RANBP17: variants seen among roughly 807,000 people sequenced by gnomAD.
The protein encoded by RANBP17 is ran-binding protein 17.
RANBP17 carries 158 observed loss-of-function variants against 141.2 expected under a neutral mutation model. That is an observed-to-expected ratio of 1.12 (90% CI 0.98 to 1.28). RANBP17 has a LOEUF of 1.28. Among genes scored for constraint, RANBP17 ranks in the 50% most tolerant of loss-of-function variants. RANBP17 has a pLI of 0.00. For synonymous variants in RANBP17, 430 were observed against 450.0 expected (o/e 0.96, Z 0.56); for missense variants, 1,438 against 1,290.7 (o/e 1.11, Z -1.75).
chr5:171,197,413 C>T (rs1291383964), intron 18 of RANBP17, among the ~76,000 whole-genome samples: 2 of 152,106 alleles, frequency 1.3e-5, no homozygotes, highest in African/African-American at 2.4e-5. Context: ...GAAACTGAGA[C>T]TCAGAGTAAT....
chr5:170,921,963 G>T (rs1450430929), intron 11 of RANBP17, among the ~76,000 whole-genome samples: 1 of 152,088 alleles, frequency 6.6e-6, no homozygotes, highest in Non-Finnish European at 1.5e-5. Flanking sequence ...CCATCTTTAT[G>T]GTTTTATCTA....
At chr5:171,269,979 C>T (rs559684518) in intron 25 of RANBP17, among the ~76,000 whole-genome samples, 12 of 152,186 alleles carry the variant, frequency 7.9e-5, no homozygotes, top group African/African-American at 2.9e-4. Context: ...AACTGTTTTT[C>T]CCCCCAACCT....
chr5:171,046,708 A>G (rs1340280995), intron 14 of RANBP17, among the ~76,000 whole-genome samples: 2 of 152,298 alleles, frequency 1.3e-5, no homozygotes, highest in East Asian at 3.9e-4. Context: ...AAAAATACAC[A>G]AAATTATATG....
chr5:171,025,025 G>A (rs1781136813), intron 14 of RANBP17, among the ~76,000 whole-genome samples: 1 of 152,062 alleles, frequency 6.6e-6, no homozygotes, highest in African/African-American at 2.4e-5. Flanking sequence ...TTCAGTAAAT[G>A]GCATCTATTG....
At chr5:171,082,812 T>C (rs538659543) in intron 14 of RANBP17, among the ~76,000 whole-genome samples, 4 of 152,246 alleles carry the variant, frequency 2.6e-5, no homozygotes, top group African/African-American at 9.6e-5. Flanking sequence ...TACAAGTTTT[T>C]GTAACCTGGA....
chr5:170,959,052 C>T (rs898548741), intron 13 of RANBP17, among the ~76,000 whole-genome samples: 5 of 152,166 alleles, frequency 3.3e-5, no homozygotes, highest in South Asian at 2.1e-4. Context: ...ACATGCTTAG[C>T]GTTCCAATAA....
At chr5:170,937,475 AT>A (rs1035728880) in intron 12 of RANBP17, among the ~76,000 whole-genome samples, 16 of 152,152 alleles carry the variant, frequency 1.1e-4, no homozygotes, top group African/African-American at 3.9e-4. Flanking sequence ...GTAACTCTAA[AT>A]TTCAGCCTTC....
chr5:170,896,483 G>A (rs1770131415), intron 5 of RANBP17, among the ~76,000 whole-genome samples: 1 of 152,146 alleles, frequency 6.6e-6, no homozygotes, highest in Non-Finnish European at 1.5e-5. Context: ...AATATAGGTG[G>A]TTTGAGGAAT....
chr5:170,892,520 A>G lies in RANBP17; in HGVS notation c.390A>G (p.Arg130=). Reference sequence around the variant, plus strand: ...TTCAGAAAGACCAATTTGTCTTCAGAGAAATTATTGCTGATGTGAAGAAGT... The same window carrying G: ...TTCAGAAAGACCAATTTGTCTTCAGGGAAATTATTGCTGATGTGAAGAAGT... ...FEVQKDQFVF[R]EIIADVKKFL... Residue 130 remains arginine (R), a synonymous_variant, in exon 4 of 28, where the codon AGA becomes AGG. Coordinates refer to ENST00000523189, the MANE Select transcript of RANBP17 (RefSeq NM_022897.5). The G allele has an allele frequency of 6.2e-7, 1 of 1,613,942 alleles. No individual in the cohort carries two copies. Among genetic ancestry groups the G allele is most frequent in the Non-Finnish European group, 8.5e-7 (1 of 1,179,902 alleles).
intron 14 of RANBP17, among the ~76,000 whole-genome samples, chr5:171,089,220 G>A: frequency 8.4e-6 from 1 of 118,420 alleles, no homozygotes; most frequent in Non-Finnish European, 1.9e-5. Context: ...ACCCTGCAGT[G>A]TGAGGTGTCA....
At chr5:170,954,453 A>G (rs1054136745) in intron 13 of RANBP17, among the ~76,000 whole-genome samples, 45 of 151,892 alleles carry the variant, frequency 3.0e-4, no homozygotes, top group Admixed American at 2.8e-3. Context: ...TTGGGCTATT[A>G]TAAGGAATTT....
chr5:170,921,820 C>T (rs1214201355), intron 11 of RANBP17, among the ~76,000 whole-genome samples: 1 of 152,138 alleles, frequency 6.6e-6, no homozygotes, highest in East Asian at 1.9e-4. Context: ...CTGAAGCCTA[C>T]TTCTGTCAAC....
intron 22 of RANBP17, among the ~76,000 whole-genome samples, chr5:171,232,575 G>A (rs1034738740): frequency 1.6e-4 from 25 of 151,604 alleles, no homozygotes; most frequent in Non-Finnish European, 8.8e-5. Context: ...AATAAATTCT[G>A]TAAGCTTTAA....
At chr5:171,086,222 CAT>C (rs1785642420) in intron 14 of RANBP17, among the ~76,000 whole-genome samples, 1 of 132,792 alleles carries the variant, frequency 7.5e-6, no homozygotes, top group Non-Finnish European at 1.6e-5. Flanking sequence ...TTGAGATAAT[CAT>C]GTGGTTTTTG....
intron 18 of RANBP17, among the ~76,000 whole-genome samples, chr5:171,193,718 A>T (rs767999239): frequency 6.6e-6 from 1 of 152,064 alleles, no homozygotes; most frequent in African/African-American, 2.4e-5. Context: ...CGTCAGGCCA[A>T]ATCCTTCCCA....
chr5:171,034,631 C>T (rs181657725), intron 14 of RANBP17, among the ~76,000 whole-genome samples: 6 of 152,298 alleles, frequency 3.9e-5, no homozygotes, highest in African/African-American at 1.2e-4. Flanking sequence ...CGGTTCATTT[C>T]ATCACTTCAT....
At chr5:171,136,276 G>A (rs910151995) in intron 14 of RANBP17, among the ~76,000 whole-genome samples, 1 of 152,014 alleles carries the variant, frequency 6.6e-6, no homozygotes, top group Non-Finnish European at 1.5e-5. Context: ...AGTGGGAAGC[G>A]AAATTATTTT....
intron 20 of RANBP17, 33 bp downstream of exon 20, chr5:171,205,645 T>G: frequency 6.5e-7 from 1 of 1,543,100 alleles, no homozygotes; most frequent in Non-Finnish European, 9.0e-7. Context: ...ATACCAGCTC[T>G]GTGCACAGAG....
intron 24 of RANBP17, among the ~76,000 whole-genome samples, chr5:171,255,800 G>C (rs1421434212): frequency 6.6e-6 from 1 of 152,090 alleles, no homozygotes; most frequent in Non-Finnish European, 1.5e-5. Context: ...TGTAAATGGT[G>C]GCTGATTGCT....
Sources: allele counts gnomAD v4.1 joint callset (sites outside exome capture counted in the v4.1 genomes callset), GRCh38; gene constraint gnomAD v4.1.1; transcripts MANE v1.5; gene names NCBI Gene and HGNC (gene_info 2026-07-23, HGNC 2026-07-21).